CSMD2: variants seen among roughly 807,000 people sequenced by gnomAD.
CSMD2 encodes CUB and sushi domain-containing protein 2.
Under a neutral mutation model 398.5 loss-of-function variants are expected in CSMD2, and 130 were observed. That is an observed-to-expected ratio of 0.33 (90% confidence interval 0.28 to 0.38). CSMD2 has a LOEUF of 0.38. CSMD2 is among the 10% of genes least tolerant of loss of function. CSMD2 has a pLI of 1.00. For missense variants in CSMD2, 3,829 were observed against 4,764.9 expected (o/e 0.80, Z 5.78); for synonymous variants, 1,828 against 1,908.5 (o/e 0.96, Z 1.10).
At chr1:33,979,120 T>C (rs996125690) in intron 3 of CSMD2, among the ~76,000 whole-genome samples, 1 of 152,210 alleles carries the variant, frequency 6.6e-6, no homozygotes, top group African/African-American at 2.4e-5. Context: ...GACATGCTCC[T>C]GTCTCACCTG....
rs1182959046 is a variant in CSMD2, at chr1:33,918,122, C to A, written c.892G>T (p.Val298Phe). 2.5e-6 allele frequency: 4 copies of A among 1,614,008 alleles called. No homozygotes were observed. The highest frequency in any genetic ancestry group is 3.4e-6 in the Non-Finnish European group (4 of 1,180,046). ...AGGGAGGAGCCTTCTGTCCCAGTGA[C>A]TTCCAGAAAGTCGTAACCATCCTCC... Reference protein sequence around the residue: ...QLEDGYDFLEVTGTEGSSLWF... With the variant: ...QLEDGYDFLEFTGTEGSSLWF... Residue 298 changes from valine to phenylalanine, a missense_variant, in exon 5 of 71, where the codon GTC (valine) becomes TTC (phenylalanine). Physicochemically the swap from Val to Phe is conservative, Grantham distance 50 (BLOSUM62 -1). Coordinates refer to ENST00000373381, the MANE Select transcript of CSMD2 (RefSeq NM_001281956.2).
intron 13 of CSMD2, among the ~76,000 whole-genome samples, chr1:33,761,501 C>G (rs1215583466): frequency 2.0e-5 from 3 of 152,198 alleles, no homozygotes; most frequent in Non-Finnish European, 2.9e-5. Context: ...TCCAAGAGCT[C>G]AAGCCTTCCC....
intron 2 of CSMD2, among the ~76,000 whole-genome samples, chr1:34,083,648 GC>G (rs1657520407): frequency 6.6e-6 from 1 of 152,176 alleles, no homozygotes; most frequent in Non-Finnish European, 1.5e-5. Context: ...GGGCATGGAG[GC>G]TCATATCTGT....
At position 33,629,150 on chromosome 1, in the gene CSMD2, A is replaced by G. The variant is rs147856405; in HGVS notation, c.5201-2569T>C. On this transcript the variant is annotated intron_variant, in intron 32 of 70. Coordinates refer to ENST00000373381, the MANE Select transcript of CSMD2 (RefSeq NM_001281956.2). Reference sequence around the variant, plus strand: ...ATACAACCAGAAAAGTATAATAACTATTGTCAATGAGCTAACAAAACAAAA... The same window carrying G: ...ATACAACCAGAAAAGTATAATAACTGTTGTCAATGAGCTAACAAAACAAAA... Among the ~76,000 whole-genome samples the G allele has an allele frequency of 2.8e-3, 429 of 152,268 alleles. 1 individual carries two copies. The highest frequency in any genetic ancestry group is 4.8e-3 in the Admixed American group (73 of 15,302).
intron 2 of CSMD2, among the ~76,000 whole-genome samples, chr1:34,047,058 C>G (rs1652608271): frequency 6.6e-6 from 1 of 152,094 alleles, no homozygotes; most frequent in Non-Finnish European, 1.5e-5. Flanking sequence ...CACTTCTCTG[C>G]TTGAAACCCT....
At chr1:34,006,883 G>T (rs1302642069) in intron 3 of CSMD2, among the ~76,000 whole-genome samples, 1 of 152,042 alleles carries the variant, frequency 6.6e-6, no homozygotes, top group Admixed American at 6.6e-5. Flanking sequence ...GGTGAGGAAG[G>T]TGAGTGTCCC....
At chr1:33,909,388 G>A (rs573510854) in intron 5 of CSMD2, among the ~76,000 whole-genome samples, 4 of 152,126 alleles carry the variant, frequency 2.6e-5, no homozygotes, top group Non-Finnish European at 5.9e-5. Context: ...TTTAGAATAG[G>A]GTCCCCACTG....
intron 13 of CSMD2, among the ~76,000 whole-genome samples, chr1:33,769,732 C>A (rs1188840158): frequency 6.6e-6 from 1 of 152,122 alleles, no homozygotes. Context: ...CAATACAATA[C>A]TTTGCACCTC....
At chr1:33,553,372 G>A (rs1013848109) in intron 55 of CSMD2, among the ~76,000 whole-genome samples, 11 of 152,136 alleles carry the variant, frequency 7.2e-5, no homozygotes, top group Non-Finnish European at 1.3e-4. Context: ...GTTTTGGGGC[G>A]CCATGAACCA....
At chr1:33,590,775 G>A (rs1252145195) in intron 44 of CSMD2, among the ~76,000 whole-genome samples, 1 of 152,110 alleles carries the variant, frequency 6.6e-6, no homozygotes, top group Non-Finnish European at 1.5e-5. Context: ...GGAAGAGGGT[G>A]AGGTGTTGAG....
At chr1:33,782,790 C>T (rs1033056623) in intron 12 of CSMD2, among the ~76,000 whole-genome samples, 6 of 152,104 alleles carry the variant, frequency 3.9e-5, no homozygotes, top group African/African-American at 1.4e-4. Context: ...TCGTAGAAAC[C>T]AGAACTTGGT....
chr1:33,884,782 GC>G (rs554280265), intron 5 of CSMD2: 56 of 152,292 alleles, frequency 3.7e-4, no homozygotes, highest in African/African-American at 1.3e-3. Flanking sequence ...ATCTCTCCAG[GC>G]TCATCCTCTC....
chr1:33,663,018 C>T lies in CSMD2; in HGVS notation c.4127G>A (p.Gly1376Glu). 1 of 1,614,176 alleles carries T rather than the reference C, an allele frequency of 6.2e-7. No individual in the cohort carries two copies. The highest frequency in any genetic ancestry group is 1.7e-5 in the Admixed American group (1 of 60,030). ...GCCACTCAGCTCCTTCAGCAGAACCCCGCTCTCCACAGGCCCATCCCAGAT... is the reference window on the plus strand; with the variant it reads ...GCCACTCAGCTCCTTCAGCAGAACCTCGCTCTCCACAGGCCCATCCCAGAT... ...LRIWDGPVES[G>E]VLLKELSGPA... Residue 1376 changes from glycine to glutamate, a missense_variant, in exon 26 of 71, where the codon GGG becomes GAG. Gly to Glu is a moderately conservative substitution (Grantham distance 98). This residue lies in a region of CSMD2 where 2,001 missense variants were observed against 2,567.1 expected (regional missense o/e 0.78). Coordinates refer to ENST00000373381, the MANE Select transcript of CSMD2 (RefSeq NM_001281956.2).
rs572788326 is a variant in CSMD2, at chr1:34,068,003, G to A, written c.404+20974C>T. On this transcript the variant is annotated intron_variant, in intron 2 of 70. Coordinates refer to ENST00000373381, the MANE Select transcript of CSMD2 (RefSeq NM_001281956.2). ...TGGCATGTCTGTAGCCCAGAGAGGT[G>A]CTTCCCTAGAAGCCCCAACTTCTGC... Among the ~76,000 whole-genome samples, 701 of 152,276 alleles carry A rather than the reference G, an allele frequency of 4.6e-3. 4 individuals are homozygous for A. The highest frequency in any genetic ancestry group is 7.6e-3 in the Non-Finnish European group (514 of 68,012).
chr1:33,601,108 A>G (rs1253407188), intron 43 of CSMD2, 98 bp from the exon 44 acceptor site: 1 of 1,489,096 alleles, frequency 6.7e-7, no homozygotes, highest in African/African-American at 1.4e-5. Flanking sequence ...CTGGAGTGGG[A>G]GGCTATGATT....
chr1:33,930,800 C>T (rs968912758), intron 4 of CSMD2, among the ~76,000 whole-genome samples: 1 of 152,214 alleles, frequency 6.6e-6, no homozygotes, highest in Non-Finnish European at 1.5e-5. Flanking sequence ...GGCCCCATCT[C>T]CTTCCCTCTG....
At chr1:33,742,958 C>T (rs1647130462) in intron 14 of CSMD2, among the ~76,000 whole-genome samples, 1 of 152,136 alleles carries the variant, frequency 6.6e-6, no homozygotes, top group African/African-American at 2.4e-5. Context: ...TGGGCCCTCC[C>T]TAGTTCTGGT....
intron 3 of CSMD2, among the ~76,000 whole-genome samples, chr1:34,010,749 G>A (rs1478414941): frequency 6.6e-6 from 1 of 152,070 alleles, no homozygotes; most frequent in Admixed American, 6.5e-5. Flanking sequence ...CTCCTGAGTA[G>A]CTGGGACTAC....
chr1:34,025,690 TAC>T (rs1462101075), intron 3 of CSMD2, among the ~76,000 whole-genome samples: 2 of 152,134 alleles, frequency 1.3e-5, no homozygotes, highest in Non-Finnish European at 2.9e-5. Context: ...ACATCTCTGA[TAC>T]AAAGAGAAGA....
Sources: allele counts gnomAD v4.1 joint callset (sites outside exome capture counted in the v4.1 genomes callset), GRCh38; gene constraint gnomAD v4.1.1; regional missense constraint gnomAD v4.1.1; transcripts MANE v1.5; gene names NCBI Gene and HGNC (gene_info 2026-07-23, HGNC 2026-07-21).